ATP2C2: variants seen among roughly 807,000 people sequenced by gnomAD.
ATP2C2 encodes the protein calcium-transporting ATPase type 2C member 2.
A neutral mutation model predicts 110.8 loss-of-function variants in ATP2C2; 171 were observed. That is an observed-to-expected ratio of 1.54 (90% CI 1.36 to 1.75). The LOEUF (loss-of-function observed/expected upper bound fraction) is 1.75, where lower values mean the gene tolerates loss of function less well. ATP2C2 is among the 40% of genes most tolerant of loss of function. ATP2C2 has a pLI of 0.00. For synonymous variants in ATP2C2, 804 were observed against 508.4 expected, an observed-to-expected ratio of 1.58 and a Z score of -7.82; for missense variants, 1,963 against 1,235.0, an observed-to-expected ratio of 1.59 and a Z score of -8.84.
chr16:84,459,611 GCTCC>G, intron 23 of ATP2C2: 1 of 1,528,426 alleles, frequency 6.5e-7, no homozygotes, highest in Non-Finnish European at 8.8e-7. Flanking sequence ...GGAACTTTCT[GCTCC>G]CTCTGCCTGG....
intron 11 of ATP2C2, among the ~76,000 whole-genome samples, chr16:84,429,797 A>G (rs1210679072): frequency 6.6e-6 from 1 of 152,148 alleles, no homozygotes; most frequent in Admixed American, 6.5e-5. Flanking sequence ...GTCAAAACAA[A>G]GCACCACAGG....
intron 1 of ATP2C2, among the ~76,000 whole-genome samples, chr16:84,383,742 T>A (rs146081353): frequency 1.1e-3 from 157 of 148,716 alleles, no homozygotes; most frequent in Middle Eastern, 0.01. Context: ...CATCTGTGTG[T>A]GTGTGTGTAT....
At chr16:84,431,286 A>T (rs1222856234) in intron 11 of ATP2C2, among the ~76,000 whole-genome samples, 1 of 152,074 alleles carries the variant, frequency 6.6e-6, no homozygotes, top group Non-Finnish European at 1.5e-5. Context: ...ATCACTTGAG[A>T]TCAGGAGTTC....
At chr16:84,423,138 G>A in intron 9 of ATP2C2, 50 bp from the exon 10 acceptor site, 1 of 1,518,946 alleles carries the variant, frequency 6.6e-7, no homozygotes, top group Non-Finnish European at 9.1e-7. Context: ...AACAAAGGCA[G>A]GCAGAAGCTA....
chr16:84,436,943 G>A (rs1263081364), intron 11 of ATP2C2, among the ~76,000 whole-genome samples: 2 of 151,772 alleles, frequency 1.3e-5, no homozygotes, highest in African/African-American at 2.4e-5. Flanking sequence ...TGTATTTTTA[G>A]GAGAGACGGG....
chr16:84,453,094 G>A (rs193704), intron 18 of ATP2C2, 44 bp from the exon 19 acceptor site: 727,664 of 1,552,346 alleles, frequency 0.47, 176,216 homozygotes, highest in South Asian at 0.71. Flanking sequence ...GAGGGGTGGG[G>A]ACGCGGGCCT....
chr16:84,416,930 CAG>C (rs149884726), intron 7 of ATP2C2, among the ~76,000 whole-genome samples: 89,234 of 150,972 alleles, frequency 0.59, 26,704 homozygotes, highest in Middle Eastern at 0.64. Flanking sequence ...GGGGTCCTAA[CAG>C]GGGATGCTCC....
At chr16:84,451,201 C>T (rs1436995753) in intron 17 of ATP2C2, among the ~76,000 whole-genome samples, 1 of 152,160 alleles carries the variant, frequency 6.6e-6, no homozygotes, top group Non-Finnish European at 1.5e-5. Context: ...GGAAACCCCT[C>T]ATAAAACCAT....
rs549090261 is a variant in ATP2C2 at position 84,406,931 on chromosome 16, G to C, written c.328-1474G>C. On this transcript the variant is annotated intron_variant, in intron 3 of 26. Transcript: ENST00000262429. ...CCTTCTCACCAAGGATCCTCCTCCA[G>C]CCTCCAGCCAGGGTGTTCCCCAAAA... 3.8e-4 allele frequency among the ~76,000 whole-genome samples: 58 copies of C among 152,108 alleles called. 1 individual carries two copies. Among genetic ancestry groups the C allele is most frequent in the African/African-American group, 1.3e-3 (55 of 41,512 alleles).
At chr16:84,399,903 C>G (rs1359568530) in intron 2 of ATP2C2, among the ~76,000 whole-genome samples, 1 of 152,222 alleles carries the variant, frequency 6.6e-6, no homozygotes, top group Non-Finnish European at 1.5e-5. Context: ...GCCCTCTCCA[C>G]TTTCTCCCAA....
At chr16:84,382,013 T>A (rs1910605226) in intron 1 of ATP2C2, among the ~76,000 whole-genome samples, 1 of 152,194 alleles carries the variant, frequency 6.6e-6, no homozygotes, top group Non-Finnish European at 1.5e-5. Context: ...TTCTTAAAGT[T>A]CTGGGATACA....
Position 84,448,675 on chromosome 16 carries a change from C to T in ATP2C2, c.1646C>T (p.Ser549Leu), listed in dbSNP as rs758964577. 13 of 1,612,528 alleles carry T rather than the reference C, an allele frequency of 8.1e-6. No individual in the cohort carries two copies. The highest frequency in any genetic ancestry group is 4.4e-5 in the South Asian group (4 of 90,870). ...FCLQEEKRMGSLGLRVLALAS... is the reference protein window; with the variant it reads ...FCLQEEKRMGLLGLRVLALAS... Reference sequence around the variant, plus strand: ...CTGCAGGAAGAGAAGAGGATGGGGTCGCTCGGTTTGCGGGGTCAGTGCCTG... The same window carrying T: ...CTGCAGGAAGAGAAGAGGATGGGGTTGCTCGGTTTGCGGGGTCAGTGCCTG... Residue 549 changes from serine (S) to leucine (L), a missense_variant, in exon 17 of 27, where the codon TCG (serine) becomes TTG (leucine). Coordinates refer to ENST00000262429, the MANE Select transcript of ATP2C2 (RefSeq NM_014861.4).
chr16:84,456,730 C>T, intron 21 of ATP2C2, among the ~76,000 whole-genome samples: 1 of 12,516 alleles, frequency 8.0e-5, no homozygotes, highest in African/African-American at 3.4e-4. Context: ...CATGAGTGAA[C>T]TCCCATTCAC....
chr16:84,414,441 C>T (rs561850217), intron 6 of ATP2C2, among the ~76,000 whole-genome samples: 2 of 152,152 alleles, frequency 1.3e-5, no homozygotes, highest in Non-Finnish European at 2.9e-5. Context: ...CAGCCAAACA[C>T]GCAAAGGCCC....
chr16:84,461,009 C>A (rs191410598), intron 24 of ATP2C2: 2 of 676,664 alleles, frequency 3.0e-6, no homozygotes, highest in Non-Finnish European at 4.7e-6. Context: ...CAGGTGTGTG[C>A]CTGGGAACTA....
chr16:84,406,607 A>T, intron 3 of ATP2C2: 1 of 985,568 alleles, frequency 1.0e-6, no homozygotes. Flanking sequence ...TGTTCTGGGA[A>T]TGTTATTCAT....
intron 11 of ATP2C2, among the ~76,000 whole-genome samples, chr16:84,427,471 G>A (rs550818297): frequency 3.9e-5 from 6 of 152,170 alleles, no homozygotes; most frequent in South Asian, 4.2e-4. Context: ...TAATCCTAGC[G>A]CTTTGGGAGG....
intron 21 of ATP2C2, among the ~76,000 whole-genome samples, chr16:84,455,670 A>C (rs1910728019): frequency 6.6e-6 from 1 of 152,080 alleles, no homozygotes; most frequent in Non-Finnish European, 1.5e-5. Context: ...CCAAATAAAC[A>C]AATATTGAGG....
In ATP2C2 at chr16:84,381,359, G is replaced by C. The variant is rs149965197; in HGVS notation, c.99+12645G>C. 5.9e-3 allele frequency among the ~76,000 whole-genome samples: 896 copies of C among 152,188 alleles called. 11 individuals are homozygous for C. Among genetic ancestry groups the C allele is most frequent in the African/African-American group, 0.019 (800 of 41,500 alleles). ...TGGATGTATACGTGCAAGTCACAGG[G>C]GATGTGATGGCTTGGCTTGGGCTCA... On this transcript the variant is annotated intron_variant, in intron 1 of 26. Coordinates refer to ENST00000262429, the MANE Select transcript of ATP2C2 (RefSeq NM_014861.4).
Sources: gnomAD v4.1 joint callset for allele counts (sites outside exome capture counted in the v4.1 genomes callset) on GRCh38, gnomAD v4.1.1 for gene constraint, MANE v1.5 for transcripts, NCBI Gene and HGNC (gene_info 2026-07-23, HGNC 2026-07-21) for gene names.